MAP3K3: variants seen among roughly 807,000 people sequenced by gnomAD.
MAP3K3 encodes the protein mitogen-activated protein kinase kinase kinase 3.
A neutral mutation model predicts 80.9 loss-of-function variants in MAP3K3; 12 were observed. That is an observed-to-expected ratio of 0.15 (90% confidence interval 0.10 to 0.24). The LOEUF (loss-of-function observed/expected upper bound fraction) is 0.24, where lower values mean the gene tolerates loss of function less well. Ranked by LOEUF, MAP3K3 falls within the 10% of genes least tolerant of loss-of-function variation. The probability of loss-of-function intolerance (pLI) is 1.00; values close to 1 mark genes in which losing one functional copy is unlikely to be tolerated. For missense variants in MAP3K3, 596 were observed against 834.7 expected, an observed-to-expected ratio of 0.71 and a Z score of 3.52; for synonymous variants, 272 against 307.1, an observed-to-expected ratio of 0.89 and a Z score of 1.19.
chr17:63,677,089 A>G (rs2035234478), intron 6 of MAP3K3, among the ~76,000 whole-genome samples: 1 of 152,234 alleles, frequency 6.6e-6, no homozygotes, highest in South Asian at 2.1e-4. Context: ...AGATGGGGTT[A>G]TGCGGATATG....
chr17:63,654,916 G>A (rs1214492813), intron 4 of MAP3K3, among the ~76,000 whole-genome samples: 1 of 151,998 alleles, frequency 6.6e-6, no homozygotes, highest in Non-Finnish European at 1.5e-5. Flanking sequence ...CACACCTGTA[G>A]TCCCAGCTAC....
At chr17:63,667,596 C>A (rs1598098468) in intron 6 of MAP3K3, among the ~76,000 whole-genome samples, 1 of 151,970 alleles carries the variant, frequency 6.6e-6, no homozygotes, top group African/African-American at 2.4e-5. Flanking sequence ...GTTCCAGGAC[C>A]CCTGTGGATG....
intron 5 of MAP3K3, among the ~76,000 whole-genome samples, 159 bp from the exon 6 acceptor site, chr17:63,666,781 A>G (rs373241095): frequency 3.9e-5 from 6 of 152,320 alleles, no homozygotes; most frequent in South Asian, 4.1e-4. Flanking sequence ...TTGCTGAGAC[A>G]AATAGAAGAG....
chr17:63,661,896 G>T (rs556916143), intron 5 of MAP3K3, among the ~76,000 whole-genome samples: 2 of 152,228 alleles, frequency 1.3e-5, no homozygotes, highest in East Asian at 3.9e-4. Flanking sequence ...AAGGTCAGGA[G>T]ATGGAGACCA....
In MAP3K3 at chr17:63,692,697, G is replaced by GCCTGAAGT. The variant is rs2035617875; in HGVS notation, c.1652+282_1652+283insAAGTCCTG. Among the ~76,000 whole-genome samples the GCCTGAAGT allele has an allele frequency of 4.6e-5, 7 of 152,042 alleles. No homozygotes were observed. In the South Asian group the frequency reaches 1.5e-3, roughly 32 times the overall value. On this transcript the variant is annotated intron_variant, in intron 15 of 15. Coordinates refer to ENST00000361733, the MANE Select transcript of MAP3K3 (RefSeq NM_002401.5). The surrounding 1 kb of genome is among the most constrained non-coding windows in gnomAD (Gnocchi z 4.5). The stretch of plus-strand genomic sequence containing the variant: ...CAGGATCCACTCTGAAGGCCTGAAG[G>GCCTGAAGT]CCTGGACCAGTCTCTCAACAGGAGC...
rs1170644990 is a variant in MAP3K3, at chr17:63,693,524, G to GT, written c.1653-24dup. 1 of 1,585,144 alleles carries GT rather than the reference G, an allele frequency of 6.3e-7. No homozygotes were observed. The highest frequency in any genetic ancestry group is 8.6e-7 in the Non-Finnish European group (1 of 1,165,124). ...CTGGGAGTCCAGGGCTGGCTGAGGGGTGACACGGGGTTCTCTCTTTCCAGG... is the reference window on the plus strand; with the variant it reads ...CTGGGAGTCCAGGGCTGGCTGAGGGGTTGACACGGGGTTCTCTCTTTCCAGG... On this transcript the variant is annotated intron_variant, in intron 15 of 15. Transcript: ENST00000361733. This position sits in a 1 kb window ranked among gnomAD's most constrained non-coding sequence, Gnocchi z 4.2.
chr17:63,627,756 G>A (rs982283895), intron 1 of MAP3K3, among the ~76,000 whole-genome samples: 32 of 151,680 alleles, frequency 2.1e-4, no homozygotes, highest in African/African-American at 7.8e-4. Flanking sequence ...CTAATTTTTT[G>A]TATTTTTTGT....
At position 63,666,950 on chromosome 17, in the gene MAP3K3, C is replaced by T. The variant is rs755708063; in HGVS notation, c.392C>T (p.Ser131Phe). ...CCTCTTCTTTTACAGAACAGTTCCT[C>T]TCCCCACTCTGGGGTGTCCAGACAG... ...LSQDRNHNSS[S>F]PHSGVSRQVR... Residue 131 changes from serine (S) to phenylalanine (F), a missense_variant, in exon 6 of 16, where the codon TCT becomes TTT. Coordinates refer to ENST00000361733, the MANE Select transcript of MAP3K3 (RefSeq NM_002401.5). The T allele has an allele frequency of 1.2e-6, 2 of 1,613,390 alleles. No homozygotes were observed. Among genetic ancestry groups the T allele is most frequent in the Admixed American group, 1.7e-5 (1 of 59,762 alleles).
At chr17:63,659,563 C>G (rs1002640352) in intron 5 of MAP3K3, among the ~76,000 whole-genome samples, 4 of 125,682 alleles carry the variant, frequency 3.2e-5, no homozygotes, top group Non-Finnish European at 6.3e-5. Context: ...GATGGAGTCT[C>G]ACTCTGTCGC....
chr17:63,689,219 C>G lies in MAP3K3; in HGVS notation c.872-325C>G. On this transcript the variant is annotated intron_variant, in intron 10 of 15. Transcript: ENST00000361733. The surrounding 1 kb of genome is among the most constrained non-coding windows in gnomAD (Gnocchi z 4.3). Reference sequence around the variant, plus strand: ...TAGGATACAAGGAAATCAGTGCCTTCGGGTGTGGCTTGGCCTTGCAAGCAA... The same window carrying G: ...TAGGATACAAGGAAATCAGTGCCTTGGGGTGTGGCTTGGCCTTGCAAGCAA... 1.9e-6 allele frequency: 1 copy of G among 527,198 alleles called. No homozygotes were observed. Among genetic ancestry groups the G allele is most frequent in the Non-Finnish European group, 3.4e-6 (1 of 295,222 alleles). 32.7% of individuals were successfully genotyped at this position (527,198 alleles called of 1,614,324 possible). A position where few individuals can be genotyped will look rare whatever the true frequency, so the allele number is the denominator to read the frequency against.
intron 1 of MAP3K3, among the ~76,000 whole-genome samples, chr17:63,626,450 A>G (rs1286752121): frequency 2.0e-5 from 3 of 152,216 alleles, no homozygotes; most frequent in South Asian, 2.1e-4. Context: ...AAACGTTAAA[A>G]TGTAGTGGTG....
intron 1 of MAP3K3, 135 bp from the exon 2 acceptor site, chr17:63,632,546 C>T: frequency 1.1e-6 from 1 of 927,888 alleles, no homozygotes; most frequent in Non-Finnish European, 1.6e-6. Flanking sequence ...ACCTTTTGGG[C>T]TGCATCTGAT....
chr17:63,690,931 CT>C (rs2035573346), intron 12 of MAP3K3, 170 bp from the exon 13 acceptor site: 1 of 752,746 alleles, frequency 1.3e-6, no homozygotes, highest in East Asian at 2.7e-5. Flanking sequence ...ATCCCAAGGC[CT>C]GCCCAGCATT....
chr17:63,692,164 C>G lies in MAP3K3; in HGVS notation c.1475-78C>G. The G allele has an allele frequency of 6.5e-7, 1 of 1,539,076 alleles. No individual in the cohort carries two copies. The highest frequency in any genetic ancestry group is 1.1e-5 in the South Asian group (1 of 88,838). On this transcript the variant is annotated intron_variant, in intron 14 of 15. Coordinates refer to ENST00000361733, the MANE Select transcript of MAP3K3 (RefSeq NM_002401.5). The surrounding 1 kb of genome is among the most constrained non-coding windows in gnomAD (Gnocchi z 4.5). ...TAGCCCTGCCCTCTCCAGCAGCTCTCAGTGACCCGGGGGTGGGGAGGATGG... is the reference window on the plus strand; with the variant it reads ...TAGCCCTGCCCTCTCCAGCAGCTCTGAGTGACCCGGGGGTGGGGAGGATGG...
intron 6 of MAP3K3, among the ~76,000 whole-genome samples, chr17:63,678,546 C>G (rs2035266575): frequency 6.6e-6 from 1 of 152,058 alleles, no homozygotes; most frequent in Non-Finnish European, 1.5e-5. Context: ...GTGGGGAGGC[C>G]AGATTACTGA....
In MAP3K3 at chr17:63,651,679, G is replaced by A. The variant is rs139786204; in HGVS notation, c.168-878G>A. ...ACAAATCAGATTTTACACCTCTTTG[G>A]ATGACTCCTTACTCTACCTTATATT... is the stretch of plus-strand genomic sequence containing the variant. On this transcript the variant is annotated intron_variant, in intron 3 of 15. Transcript: ENST00000361733. Among the ~76,000 whole-genome samples, 821 of 152,160 alleles carry A rather than the reference G, an allele frequency of 5.4e-3. 5 individuals are homozygous for A. The highest frequency in any genetic ancestry group is 0.018 in the African/African-American group (750 of 41,496).
At chr17:63,645,315 A>G (rs986118864) in intron 2 of MAP3K3, among the ~76,000 whole-genome samples, 3 of 152,040 alleles carry the variant, frequency 2.0e-5, no homozygotes, top group African/African-American at 7.2e-5. Context: ...AAAAAAAAAG[A>G]AACATGATAG....
At chr17:63,644,358 G>A (rs2034501508) in intron 2 of MAP3K3, among the ~76,000 whole-genome samples, 1 of 152,024 alleles carries the variant, frequency 6.6e-6, no homozygotes, top group Non-Finnish European at 1.5e-5. Context: ...GGGATTACAG[G>A]TGTGCGCCAT....
chr17:63,654,159 G>A (rs928411523), intron 4 of MAP3K3, among the ~76,000 whole-genome samples: 8 of 152,054 alleles, frequency 5.3e-5, no homozygotes, highest in Admixed American at 2.0e-4. Flanking sequence ...ATGAGCCACC[G>A]CACTTGGCCT....
Sources: gnomAD v4.1 joint callset for allele counts (sites outside exome capture counted in the v4.1 genomes callset) on GRCh38, gnomAD v4.1.1 for gene constraint, Gnocchi (gnomAD v3.1) non-coding constraint, MANE v1.5 for transcripts, NCBI Gene and HGNC (gene_info 2026-07-23, HGNC 2026-07-21) for gene names.